Variants in RANBP9 observed in about 807,000 individuals in gnomAD.
RANBP9 encodes RAN binding protein 9, also known as ran-binding protein 9.
In RANBP9, 15 loss-of-function variants were observed where a neutral mutation model predicts 84.3. That is an observed-to-expected ratio of 0.18 (90% CI 0.12 to 0.27). The LOEUF (loss-of-function observed/expected upper bound fraction) is 0.27, where lower values mean the gene tolerates loss of function less well. Ranked by LOEUF, RANBP9 falls within the 10% of genes least tolerant of loss-of-function variation. The probability of loss-of-function intolerance (pLI) is 1.00; values close to 1 mark genes in which losing one functional copy is unlikely to be tolerated. For missense variants in RANBP9, 809 were observed against 912.8 expected (o/e 0.89, Z 1.46); for synonymous variants, 392 against 349.6 (o/e 1.12, Z -1.35).
At chr6:13,677,424 T>C (rs1765917270) in intron 2 of RANBP9, among the ~76,000 whole-genome samples, 1 of 152,162 alleles carries the variant, frequency 6.6e-6, no homozygotes, top group South Asian at 2.1e-4. Context: ...TTCTGAATAG[T>C]TTATTCATGT....
In RANBP9 at chr6:13,642,501, T is replaced by C. The variant is rs757120510; in HGVS notation, c.1203A>G (p.Leu401=). 1 of 1,599,634 alleles carries C rather than the reference T, an allele frequency of 6.3e-7. No homozygotes were observed. Among genetic ancestry groups the C allele is most frequent in the Non-Finnish European group, 8.5e-7 (1 of 1,170,416 alleles). The change falls in exon 7 of 14, where the codon TTA becomes TTG. Residue 401 remains leucine, a synonymous_variant. Coordinates refer to ENST00000011619, the MANE Select transcript of RANBP9 (RefSeq NM_005493.3). ...TACTTTGTCTATTCTTAATGGAAGCTAATTCTTCTAGAACGGTCTGGTCTG... is the reference window on the plus strand; with the variant it reads ...TACTTTGTCTATTCTTAATGGAAGCCAATTCTTCTAGAACGGTCTGGTCTG... The part of the protein sequence containing the change: ...RSTDQTVLEE[L]ASIKNRQRIQ...
At chr6:13,703,925 A>G (rs1168405127) in intron 1 of RANBP9, among the ~76,000 whole-genome samples, 5 of 152,184 alleles carry the variant, frequency 3.3e-5, no homozygotes, top group Admixed American at 3.3e-4. Flanking sequence ...ATACTGTAAT[A>G]CAGTCTCCTT....
chr6:13,674,948 A>G (rs1222579482), intron 2 of RANBP9, among the ~76,000 whole-genome samples: 1 of 152,200 alleles, frequency 6.6e-6, no homozygotes, highest in African/African-American at 2.4e-5. Context: ...GACAGTCTCA[A>G]GTAGTAACTG....
In RANBP9 at chr6:13,711,126, C is replaced by G. The variant is rs747591358; in HGVS notation, c.380G>C (p.Ser127Thr). Reference sequence around the variant, plus strand: ...GTGAGGGAAGGGGGCCGCGGCGCTGCTGCCCGCCACCAGAGCTGGGGTCGG... The same window carrying G: ...GTGAGGGAAGGGGGCCGCGGCGCTGGTGCCCGCCACCAGAGCTGGGGTCGG... ...GAPTPALVAG[S>T]SAAAPFPHGD... Residue 127 changes from serine to threonine, a missense_variant, in exon 1 of 14, where the codon AGC (serine) becomes ACC (threonine). By Grantham distance (58) the Ser-to-Thr change is moderately conservative (BLOSUM62 1). Transcript: ENST00000011619. The G allele has an allele frequency of 6.5e-7, 1 of 1,543,602 alleles. No homozygotes were observed. The highest frequency in any genetic ancestry group is 2.5e-5 in the East Asian group (1 of 40,210).
At chr6:13,688,876 G>C (rs1435803229) in intron 2 of RANBP9, among the ~76,000 whole-genome samples, 1 of 150,112 alleles carries the variant, frequency 6.7e-6, no homozygotes, top group African/African-American at 2.5e-5. Context: ...AGGCAGTCTG[G>C]GTGCAGTGAC....
At chr6:13,649,033 G>A (rs1354667825) in intron 5 of RANBP9, among the ~76,000 whole-genome samples, 3 of 152,146 alleles carry the variant, frequency 2.0e-5, no homozygotes, top group Non-Finnish European at 2.9e-5. Flanking sequence ...CATAACAGGT[G>A]CAGAACAATC....
intron 1 of RANBP9, among the ~76,000 whole-genome samples, chr6:13,710,043 TACATTTCA>T (rs1231660408): frequency 6.6e-6 from 1 of 152,210 alleles, no homozygotes; most frequent in Non-Finnish European, 1.5e-5. Context: ...TAAATTGGGC[TACATTTCA>T]ATAGTTCCCA....
intron 2 of RANBP9, among the ~76,000 whole-genome samples, chr6:13,692,718 G>A (rs1363867715): frequency 6.6e-6 from 1 of 151,644 alleles, no homozygotes; most frequent in Non-Finnish European, 1.5e-5. Context: ...CAGGTGTGGT[G>A]GTACATGTCT....
In RANBP9 at chr6:13,711,713, G is replaced by C. The variant is rs1401764097; in HGVS notation, c.-208C>G. ...GCGGCGGGCCCGGGAGGCCGGGAGA[G>C]AACGTTGGCCGGAGCGCGGGCGCGC... On this transcript the variant is annotated 5_prime_UTR_variant, in exon 1 of 14. Transcript: ENST00000011619. 6.4e-6 allele frequency: 2 copies of C among 310,136 alleles called. No homozygotes were observed. Among genetic ancestry groups the C allele is most frequent in the East Asian group, 6.2e-5 (1 of 16,234 alleles). 19.2% of individuals were successfully genotyped at this position (310,136 alleles called of 1,614,324 possible).
intron 2 of RANBP9, among the ~76,000 whole-genome samples, chr6:13,675,675 T>A (rs997803324): frequency 6.6e-6 from 1 of 150,408 alleles, no homozygotes; most frequent in East Asian, 1.9e-4. Context: ...TCAACAAAAT[T>A]AAAAGCCAGT....
intron 1 of RANBP9, among the ~76,000 whole-genome samples, chr6:13,710,585 T>C (rs1168848367): frequency 2.6e-5 from 4 of 152,146 alleles, no homozygotes; most frequent in African/African-American, 7.2e-5. Flanking sequence ...TCCGAGTCCA[T>C]GGATTCCTCT....
chr6:13,633,513 C>T (rs1764848948), intron 11 of RANBP9, among the ~76,000 whole-genome samples: 1 of 152,016 alleles, frequency 6.6e-6, no homozygotes, highest in Non-Finnish European at 1.5e-5. Context: ...GTTATTATAC[C>T]CATTTTACAG....
intron 2 of RANBP9, among the ~76,000 whole-genome samples, chr6:13,686,613 A>C (rs986809566): frequency 2.6e-5 from 4 of 151,956 alleles, no homozygotes; most frequent in African/African-American, 9.7e-5. Flanking sequence ...TTTGTTGCCC[A>C]AGCTGGTCTC....
intron 1 of RANBP9, among the ~76,000 whole-genome samples, chr6:13,707,203 G>C (rs977978315): frequency 1.3e-5 from 2 of 152,052 alleles, no homozygotes; most frequent in African/African-American, 2.4e-5. Flanking sequence ...TTTAGGGGTA[G>C]AGACGGGGTC....
At chr6:13,680,918 G>T (rs957836356) in intron 2 of RANBP9, among the ~76,000 whole-genome samples, 1 of 152,114 alleles carries the variant, frequency 6.6e-6, no homozygotes, top group Non-Finnish European at 1.5e-5. Flanking sequence ...GTGAGCTTCA[G>T]ATAACCAAAA....
chr6:13,631,832 G>A (rs568043298), intron 12 of RANBP9, among the ~76,000 whole-genome samples: 146 of 152,240 alleles, frequency 9.6e-4, no homozygotes, highest in African/African-American at 3.3e-3. Flanking sequence ...ATCAGCTCAT[G>A]GACAACAATC....
chr6:13,631,957 C>T (rs1178994762), intron 12 of RANBP9, among the ~76,000 whole-genome samples: 1 of 152,008 alleles, frequency 6.6e-6, no homozygotes, highest in Non-Finnish European at 1.5e-5. Flanking sequence ...TGCTATAAAC[C>T]TGAACAACAT....
intron 2 of RANBP9, among the ~76,000 whole-genome samples, chr6:13,667,620 C>A (rs1562311440): frequency 6.6e-6 from 1 of 152,118 alleles, no homozygotes; most frequent in Non-Finnish European, 1.5e-5. Flanking sequence ...CTGTATCTTT[C>A]CTATGTGATG....
chr6:13,686,590 A>G (rs918699211), intron 2 of RANBP9, among the ~76,000 whole-genome samples: 2 of 150,726 alleles, frequency 1.3e-5, no homozygotes, highest in African/African-American at 4.9e-5. Context: ...CAGCCTAATA[A>G]ACAGGGTCTC....
Sources: gnomAD v4.1 joint callset for allele counts (sites outside exome capture counted in the v4.1 genomes callset) on GRCh38, gnomAD v4.1.1 for gene constraint, MANE v1.5 for transcripts, NCBI Gene and HGNC (gene_info 2026-07-23, HGNC 2026-07-21) for gene names.